The following EDDM13 variants were observed in gnomAD, a reference collection of about 807,000 sequenced individuals.
The protein encoded by EDDM13 is epididymal protein 13.
Under a neutral mutation model 17.8 loss-of-function variants are expected in EDDM13, and 24 were observed. That is an observed-to-expected ratio of 1.35 (90% CI 0.98 to 1.90). The LOEUF is 1.90. Among genes scored for constraint, EDDM13 ranks in the 40% most tolerant of loss-of-function variants. The pLI, the probability that EDDM13 is intolerant of heterozygous loss-of-function variation, is 0.00. For synonymous variants in EDDM13, 31 were observed against 37.5 expected (o/e 0.83, Z 0.63); for missense variants, 97 against 100.8 (o/e 0.96, Z 0.16).
intron 2 of EDDM13, among the ~76,000 whole-genome samples, chr19:56,280,428 T>C (rs1244314755): frequency 9.9e-5 from 15 of 152,164 alleles, no homozygotes; most frequent in Admixed American, 9.8e-4. Context: ...TTACATGAAA[T>C]TAGACATATA....
intron 2 of EDDM13, chr19:56,280,505 A>G (rs957055213): frequency 1.3e-5 from 2 of 152,188 alleles, no homozygotes; most frequent in Admixed American, 6.5e-5. Flanking sequence ...ATGTAGAATT[A>G]TATCTATATA....
At chr19:56,273,378 A>G (rs955476296) in intron 1 of EDDM13, among the ~76,000 whole-genome samples, 2 of 152,232 alleles carry the variant, frequency 1.3e-5, no homozygotes, top group Non-Finnish European at 2.9e-5. Flanking sequence ...GGGTCTTGCC[A>G]TAACTCTGAG....
At chr19:56,291,880 A>G (rs1408369722) in intron 9 of EDDM13, among the ~76,000 whole-genome samples, 3 of 152,204 alleles carry the variant, frequency 2.0e-5, no homozygotes, top group African/African-American at 7.2e-5. Context: ...GATGACAGTG[A>G]TGGAAATTTA....
chr19:56,275,159 AT>A (rs1366838519), intron 1 of EDDM13, among the ~76,000 whole-genome samples: 1 of 151,978 alleles, frequency 6.6e-6, no homozygotes, highest in African/African-American at 2.4e-5. Flanking sequence ...TTAAGTTACT[AT>A]TTTCCCCCTT....
At chr19:56,294,607 A>G (rs187305354) in intron 9 of EDDM13, among the ~76,000 whole-genome samples, 2 of 152,344 alleles carry the variant, frequency 1.3e-5, no homozygotes, top group Non-Finnish European at 2.9e-5. Context: ...AAGCAGCCAC[A>G]GACAACACAC....
chr19:56,302,610 T>C (rs1430902033), intron 13 of EDDM13, among the ~76,000 whole-genome samples: 2 of 90,278 alleles, frequency 2.2e-5, no homozygotes, highest in East Asian at 4.9e-4. Context: ...CTTCTTCCTC[T>C]CCCTCTTCCT....
At chr19:56,280,209 C>G (rs1410566291) in intron 2 of EDDM13, among the ~76,000 whole-genome samples, 1 of 152,074 alleles carries the variant, frequency 6.6e-6, no homozygotes, top group African/African-American at 2.4e-5. Context: ...CTGTATGCAC[C>G]TTACTTTTTT....
rs138754369 is a variant in EDDM13, at chr19:56,289,461, T to C, written c.226+570T>C. Among the ~76,000 whole-genome samples the C allele has an allele frequency of 9.5e-3, 1,445 of 152,252 alleles. 20 individuals are homozygous for C. Among genetic ancestry groups the C allele is most frequent in the African/African-American group, 0.032 (1,318 of 41,520 alleles). ...TCGGAAGACAGACGTATTTATACTC[T>C]AGTTCGGGTAAGACGGAGAGAGACC... On this transcript the variant is annotated intron_variant, in intron 8 of 14. Transcript: ENST00000649256.
intron 12 of EDDM13, 29 bp downstream of exon 12, chr19:56,297,560 A>C (rs1448304227): frequency 3.1e-6 from 3 of 979,764 alleles, no homozygotes; most frequent in East Asian, 1.1e-4. Flanking sequence ...ACCATTCCTC[A>C]TCTATAAGAC....
At chr19:56,296,790 T>G (rs2039905199) in intron 11 of EDDM13, among the ~76,000 whole-genome samples, 1 of 152,160 alleles carries the variant, frequency 6.6e-6, no homozygotes, top group Non-Finnish European at 1.5e-5. Context: ...TCCCAGCACT[T>G]TGGGAGGCCG....
At chr19:56,273,577 G>A (rs1428417422) in intron 1 of EDDM13, among the ~76,000 whole-genome samples, 1 of 152,168 alleles carries the variant, frequency 6.6e-6, no homozygotes, top group Non-Finnish European at 1.5e-5. Context: ...ATAGGAGCTG[G>A]CCAGCTGAAG....
intron 13 of EDDM13, among the ~76,000 whole-genome samples, chr19:56,303,894 C>T (rs1286158265): frequency 2.6e-5 from 4 of 152,136 alleles, no homozygotes; most frequent in African/African-American, 9.7e-5. Context: ...GCAAGCAAAG[C>T]AGGCATGCAC....
In EDDM13 at chr19:56,297,342, TTTTCC is replaced by T. The variant is rs761947987; in HGVS notation, c.269-158_269-154del. On this transcript the variant is annotated intron_variant, in intron 11 of 14. Coordinates refer to ENST00000649256, the MANE Select transcript of EDDM13 (RefSeq NM_001354658.2). ...ATAATTCACCTGATGGTTTCTTTTC[TTTTCC>T]TTTCTTTTCTCCTCCTCTTCCTCTT... Among the ~76,000 whole-genome samples, 282 of 152,132 alleles carry T rather than the reference TTTTCC, an allele frequency of 1.9e-3. 1 individual carries two copies. The highest frequency in any genetic ancestry group is 3.4e-3 in the Non-Finnish European group (232 of 68,000).
chr19:56,275,810 T>C (rs1240391311), intron 1 of EDDM13, among the ~76,000 whole-genome samples: 1 of 152,212 alleles, frequency 6.6e-6, no homozygotes, highest in Non-Finnish European at 1.5e-5. Flanking sequence ...CTGAATCTGA[T>C]TTATCTGCGT....
intron 13 of EDDM13, among the ~76,000 whole-genome samples, chr19:56,303,912 C>T (rs554069431): frequency 6.6e-6 from 1 of 152,178 alleles, no homozygotes; most frequent in African/African-American, 2.4e-5. Context: ...CACAGCAGAC[C>T]CTGAGGCAGG....
At chr19:56,276,820 A>G (rs2038301064) in intron 2 of EDDM13, among the ~76,000 whole-genome samples, 1 of 152,126 alleles carries the variant, frequency 6.6e-6, no homozygotes, top group Non-Finnish European at 1.5e-5. Flanking sequence ...TACAGGTGTG[A>G]GCCACTGTGC....
chr19:56,285,771 G>A (rs951445939), intron 6 of EDDM13, among the ~76,000 whole-genome samples: 8 of 151,790 alleles, frequency 5.3e-5, no homozygotes, highest in African/African-American at 1.5e-4. Flanking sequence ...GAGCCATCAC[G>A]CCCAGCCCAG....
chr19:56,299,877 C>T (rs1188600243), intron 12 of EDDM13: 1 of 152,180 alleles, frequency 6.6e-6, no homozygotes, highest in African/African-American at 2.4e-5. Flanking sequence ...AACATGTTCC[C>T]TCTGAGATCA....
chr19:56,292,539 C>T (rs1222382516), intron 9 of EDDM13, among the ~76,000 whole-genome samples: 4 of 151,612 alleles, frequency 2.6e-5, no homozygotes, highest in African/African-American at 9.7e-5. Context: ...CCTCCTACCT[C>T]AGCCTCCCAA....
Sources: gnomAD v4.1 joint callset for allele counts (sites outside exome capture counted in the v4.1 genomes callset) on GRCh38, gnomAD v4.1.1 for gene constraint, MANE v1.5 for transcripts, NCBI Gene and HGNC (gene_info 2026-07-23, HGNC 2026-07-21) for gene names.